The following MLXIPL variants were observed in gnomAD, a reference collection of about 807,000 sequenced individuals.
MLXIPL encodes the protein carbohydrate-responsive element-binding protein.
A neutral mutation model predicts 81.5 loss-of-function variants in MLXIPL; 49 were observed. That is an observed-to-expected ratio of 0.60 (90% CI 0.48 to 0.76). MLXIPL has a LOEUF of 0.76. MLXIPL is among the 30% of genes least tolerant of loss of function. The pLI is 0.00. For missense variants in MLXIPL, 1,053 were observed against 1,167.0 expected, an observed-to-expected ratio of 0.90 and a Z score of 1.42; for synonymous variants, 466 against 485.5, an observed-to-expected ratio of 0.96 and a Z score of 0.53.
intron 1 of MLXIPL, among the ~76,000 whole-genome samples, 195 bp downstream of exon 1, chr7:73,624,005 C>A (rs917386549): frequency 2.0e-5 from 3 of 151,864 alleles, no homozygotes; most frequent in Non-Finnish European, 4.4e-5. Context: ...CCGTCAGGGG[C>A]CAGCGGGCTG....
Position 73,596,559 on chromosome 7 carries a change from C to T in MLXIPL, c.1822+80G>A. ...CATTGCCCCCTTCCTCTCATCTGGC[C>T]CCAGACCCAGTCCCCTTCTTCTTCC... On this transcript the variant is annotated intron_variant, in intron 11 of 16. Coordinates refer to ENST00000313375, the MANE Select transcript of MLXIPL (RefSeq NM_032951.3). The surrounding 1 kb of genome is among the most constrained non-coding windows in gnomAD (Gnocchi z 4.7). 1 of 1,600,678 alleles carries T rather than the reference C, an allele frequency of 6.2e-7. No homozygotes were observed. The highest frequency in any genetic ancestry group is 2.3e-5 in the East Asian group (1 of 44,444).
At chr7:73,595,797 G>A (rs540944274) in intron 14 of MLXIPL, 37 bp from the exon 15 acceptor site, 1 of 1,580,610 alleles carries the variant, frequency 6.3e-7, no homozygotes, top group Admixed American at 1.8e-5. Flanking sequence ...TGGGGGTAAG[G>A]CGGCATGGCC....
chr7:73,634,427 T>G, the MLXIPL span, among the ~76,000 whole-genome samples: 1 of 152,152 alleles, frequency 6.6e-6, no homozygotes, highest in Non-Finnish European at 1.5e-5. Flanking sequence ...AGTCTTACTC[T>G]GTTGCTCAGG....
chr7:73,632,865 C>T, the MLXIPL span, among the ~76,000 whole-genome samples: 3 of 151,170 alleles, frequency 2.0e-5, no homozygotes, highest in East Asian at 1.9e-4. Flanking sequence ...CTGCAACCTC[C>T]GCCTCCTAGC....
intron 2 of MLXIPL, chr7:73,610,823 T>A (rs1228005437): frequency 1.3e-5 from 2 of 151,684 alleles, no homozygotes; most frequent in African/African-American, 4.9e-5. Context: ...AGCCCACCTT[T>A]TCTTTTCCTT....
At chr7:73,627,613 C>A (rs938466609), upstream of MLXIPL, among the ~76,000 whole-genome samples, 4 of 152,210 alleles carry the variant, frequency 2.6e-5, no homozygotes, top group South Asian at 6.2e-4. Context: ...CATTACTTAC[C>A]CCTATATGCC....
chr7:73,617,864 T>C (rs1484493723), intron 1 of MLXIPL, among the ~76,000 whole-genome samples: 1 of 152,068 alleles, frequency 6.6e-6, no homozygotes, highest in Non-Finnish European at 1.5e-5. Flanking sequence ...AAAAATCCAC[T>C]GGATGGAAGA....
chr7:73,635,681 T>C, the MLXIPL span, among the ~76,000 whole-genome samples: 1 of 151,544 alleles, frequency 6.6e-6, no homozygotes, highest in African/African-American at 2.4e-5. Context: ...CCATCCATCA[T>C]CCATCCATCT....
intron 8 of MLXIPL, among the ~76,000 whole-genome samples, chr7:73,598,650 C>T (rs539944307): frequency 5.3e-5 from 8 of 152,278 alleles, no homozygotes; most frequent in South Asian, 4.1e-4. Context: ...TGTTATGTGC[C>T]TGAGCTGTAT....
Position 73,597,578 on chromosome 7 carries a change from T to C in MLXIPL, c.1207A>G (p.Lys403Glu). Residue 403 changes from lysine (K) to glutamate (E), a missense_variant, in exon 9 of 17, where the codon AAG (lysine) becomes GAG (glutamate). This residue lies in a region of MLXIPL where 823 missense variants were observed against 933.0 expected (regional missense o/e 0.88). Transcript: ENST00000313375. The stretch of plus-strand genomic sequence containing the variant: ...GGGCAGGGCTCCAGGCCTGGCACCT[T>C]GGCAGGGGGAGGGTAATGCAGCAGA... ...PPLLHYPPPA[K>E]VPGLEPCPPP... The C allele has an allele frequency of 1.1e-6, 1 of 888,678 alleles. No homozygotes were observed. Among genetic ancestry groups the C allele is most frequent in the Non-Finnish European group, 1.3e-6 (1 of 773,052 alleles). The allele number at this position is 888,678 out of a possible 1,614,324, so 55.0% of individuals were successfully genotyped here.
At chr7:73,619,702 G>GCA (rs2116491108) in intron 1 of MLXIPL, among the ~76,000 whole-genome samples, 1 of 151,352 alleles carries the variant, frequency 6.6e-6, no homozygotes, top group East Asian at 2.0e-4. Flanking sequence ...AGGCCGAGAT[G>GCA]GGTGGATCAC....
At chr7:73,606,866 A>T (rs1795322074) in intron 5 of MLXIPL, 108 bp downstream of exon 5, 6 of 1,230,772 alleles carry the variant, frequency 4.9e-6, no homozygotes, top group Non-Finnish European at 5.9e-6. Context: ...TTCCACCCTC[A>T]TGCCCAGCCA....
chr7:73,631,154 GC>G, the MLXIPL span, among the ~76,000 whole-genome samples: 2 of 151,888 alleles, frequency 1.3e-5, no homozygotes, highest in African/African-American at 4.8e-5. Flanking sequence ...GACTACAGGT[GC>G]CCGCCACCAC....
At chr7:73,614,959 C>T (rs1215087169) in intron 2 of MLXIPL, among the ~76,000 whole-genome samples, 3 of 152,068 alleles carry the variant, frequency 2.0e-5, no homozygotes, top group Non-Finnish European at 4.4e-5. Flanking sequence ...TACAGGCACC[C>T]GCCACCACGC....
chr7:73,643,462 C>T, the MLXIPL span, among the ~76,000 whole-genome samples: 2 of 149,686 alleles, frequency 1.3e-5, no homozygotes, highest in Non-Finnish European at 3.0e-5. Context: ...TGCAGTGAGC[C>T]GAGATTGCGC....
At chr7:73,603,896 G>A (rs1200701841) in intron 7 of MLXIPL, among the ~76,000 whole-genome samples, 2 of 152,154 alleles carry the variant, frequency 1.3e-5, no homozygotes, top group African/African-American at 4.8e-5. Context: ...GTCAGGAGAG[G>A]GAGGCAGGGA....
chr7:73,633,278 T>A, the MLXIPL span, among the ~76,000 whole-genome samples: 1 of 151,554 alleles, frequency 6.6e-6, no homozygotes, highest in East Asian at 1.9e-4. Flanking sequence ...GAGACGGGGT[T>A]TCACCGTGTT....
chr7:73,604,951 G>C (rs1795165710), intron 7 of MLXIPL, among the ~76,000 whole-genome samples: 1 of 151,994 alleles, frequency 6.6e-6, no homozygotes, highest in East Asian at 1.9e-4. Flanking sequence ...TTCTAGTAGA[G>C]ATGGGGTTTC....
At chr7:73,608,952 G>T (rs1474686342) in intron 2 of MLXIPL, among the ~76,000 whole-genome samples, 1 of 151,982 alleles carries the variant, frequency 6.6e-6, no homozygotes, top group Admixed American at 6.6e-5. Context: ...TCAGCCTCTG[G>T]TGTACGCCAC....
Sources: allele counts gnomAD v4.1 joint callset (sites outside exome capture counted in the v4.1 genomes callset), GRCh38; gene constraint gnomAD v4.1.1; regional missense constraint gnomAD v4.1.1; non-coding constraint Gnocchi (gnomAD v3.1); transcripts MANE v1.5; gene names NCBI Gene and HGNC (gene_info 2026-07-23, HGNC 2026-07-21).